The following MYO10 variants were observed in gnomAD, a reference collection of about 807,000 sequenced individuals.
MYO10 encodes the protein unconventional myosin-X.
Under a neutral mutation model 257.3 loss-of-function variants are expected in MYO10, and 133 were observed. The ratio of observed to expected loss-of-function variants is 0.52; its 90% CI spans 0.45 to 0.60. The LOEUF (loss-of-function observed/expected upper bound fraction) is 0.60, where lower values mean the gene tolerates loss of function less well. MYO10 is among the 20% of genes least tolerant of loss of function. The pLI, the probability that MYO10 is intolerant of heterozygous loss-of-function variation, is 0.00. For synonymous variants in MYO10, 1,104 were observed against 1,028.6 expected (o/e 1.07, Z -1.40); for missense variants, 2,399 against 2,635.7 (o/e 0.91, Z 1.97).
intron 2 of MYO10, among the ~76,000 whole-genome samples, chr5:16,866,176 C>G (rs1211094164): frequency 6.6e-6 from 1 of 152,084 alleles, no homozygotes; most frequent in African/African-American, 2.4e-5. Flanking sequence ...ATCCTTCAGA[C>G]ACCCAGCAGA....
chr5:16,725,891 G>A lies in MYO10; in HGVS notation c.1930-14646C>T, dbSNP rs377722989. The stretch of plus-strand genomic sequence containing the variant: ...CAGCCTCCACTTCCTGGGTTCAAGC[G>A]AATCTCCTGCCTCAGCCTCCCAAGT... On this transcript the variant is annotated intron_variant, in intron 19 of 40. Coordinates refer to ENST00000513610, the MANE Select transcript of MYO10 (RefSeq NM_012334.3). Among the ~76,000 whole-genome samples the A allele has an allele frequency of 1.5e-3, 226 of 151,366 alleles. 2 individuals are homozygous for A. Among genetic ancestry groups the A allele is most frequent in the African/African-American group, 4.8e-3 (197 of 41,194 alleles).
chr5:16,772,551 G>T (rs1414210047), intron 9 of MYO10, among the ~76,000 whole-genome samples: 1 of 152,176 alleles, frequency 6.6e-6, no homozygotes, highest in Non-Finnish European at 1.5e-5. Context: ...TTAAAATGCA[G>T]TCTGGGAAGA....
chr5:16,778,705 T>C (rs1394937461), intron 9 of MYO10, among the ~76,000 whole-genome samples: 1 of 149,582 alleles, frequency 6.7e-6, no homozygotes, highest in Non-Finnish European at 1.5e-5. Flanking sequence ...TTTTTTTTTT[T>C]TTTTTGAGAC....
intron 34 of MYO10, 102 bp downstream of exon 34, chr5:16,675,929 A>T (rs1463095611): frequency 2.1e-5 from 28 of 1,335,290 alleles, no homozygotes; most frequent in Non-Finnish European, 2.6e-5. Context: ...CGAATAAGAG[A>T]GTCTTTGAGA....
chr5:16,840,099 G>C (rs1743431251), intron 2 of MYO10, among the ~76,000 whole-genome samples: 2 of 152,150 alleles, frequency 1.3e-5, no homozygotes, highest in Non-Finnish European at 2.9e-5. Context: ...CCTACAAGTA[G>C]ACAGTAACAC....
At chr5:16,905,537 A>ACCAG (rs1001481507) in intron 1 of MYO10, among the ~76,000 whole-genome samples, 2 of 151,938 alleles carry the variant, frequency 1.3e-5, no homozygotes, top group South Asian at 2.1e-4. Context: ...AGGAACAGCC[A>ACCAG]CCAGCCAGCC....
intron 27 of MYO10, among the ~76,000 whole-genome samples, chr5:16,694,115 C>T (rs257047): frequency 0.37 from 56,255 of 152,120 alleles, 10,886 homozygotes; most frequent in African/African-American, 0.48. Context: ...CCGTTTCCAC[C>T]AGGCAACTTC....
rs115680815 is a variant in MYO10, at chr5:16,895,739, C to T, written c.22-18032G>A. On this transcript the variant is annotated intron_variant, in intron 1 of 40. Transcript: ENST00000513610. ...CTCTGGCCATGATGTAAGCCGCCCC[C>T]TCCCCAACACCACAACACACACACA... is the stretch of plus-strand genomic sequence containing the variant. 3.7e-3 allele frequency among the ~76,000 whole-genome samples: 540 copies of T among 144,760 alleles called. 5 individuals are homozygous for T. Among genetic ancestry groups the T allele is most frequent in the African/African-American group, 0.013 (517 of 39,308 alleles). 95.0% of individuals were successfully genotyped at this position (144,760 alleles called of 152,430 possible). A position where few individuals can be genotyped will look rare whatever the true frequency, so the allele number is the denominator to read the frequency against.
At chr5:16,758,737 C>T (rs554868946) in intron 17 of MYO10, among the ~76,000 whole-genome samples, 92 of 152,248 alleles carry the variant, frequency 6.0e-4, no homozygotes, top group African/African-American at 2.1e-3. Context: ...TCAGTTTTTT[C>T]ATCTGGAAAA....
intron 17 of MYO10, 129 bp from the exon 18 acceptor site, chr5:16,758,355 A>T: frequency 1.5e-6 from 1 of 665,754 alleles, no homozygotes; most frequent in South Asian, 1.8e-5. Flanking sequence ...GGAAGAACTA[A>T]GACAGCTTCC....
rs1738247150 is a variant in MYO10, at chr5:16,704,656, T to C, written c.2199A>G (p.Lys733=). ...KVFLRESLEQ[K]LEKRREEEVS... ...CTTCCTCTTCCCTCCGCTTCTCCAGTTTCTGTTCCAAGGATTCTCGAAGAA... is the reference window on the plus strand; with the variant it reads ...CTTCCTCTTCCCTCCGCTTCTCCAGCTTCTGTTCCAAGGATTCTCGAAGAA... Residue 733 remains lysine (K), a synonymous_variant, in exon 22 of 41, where the codon AAA becomes AAG. Coordinates refer to ENST00000513610, the MANE Select transcript of MYO10 (RefSeq NM_012334.3). 1 of 1,613,934 alleles carries C rather than the reference T, an allele frequency of 6.2e-7. No individual in the cohort carries two copies. Among genetic ancestry groups the C allele is most frequent in the Middle Eastern group, 1.6e-4 (1 of 6,062 alleles).
intron 1 of MYO10, among the ~76,000 whole-genome samples, chr5:16,921,866 C>T (rs1055005313): frequency 2.0e-5 from 3 of 151,732 alleles, no homozygotes; most frequent in Non-Finnish European, 2.9e-5. Context: ...CTACCATATG[C>T]AGGACGGCCA....
chr5:16,935,873 G>T lies in MYO10; in HGVS notation c.-65C>A. On this transcript the variant is annotated 5_prime_UTR_variant, in exon 1 of 41. Coordinates refer to ENST00000513610, the MANE Select transcript of MYO10 (RefSeq NM_012334.3). ...ACTCGCGGAAGTCAGCGCCGCCGCG[G>T]GTCCGGGGAAACCATGCGTGTCACG... 1 of 1,594,826 alleles carries T rather than the reference G, an allele frequency of 6.3e-7. No individual in the cohort carries two copies. The highest frequency in any genetic ancestry group is 8.5e-7 in the Non-Finnish European group (1 of 1,170,508).
At chr5:16,782,728 A>G (rs919975560) in intron 5 of MYO10, among the ~76,000 whole-genome samples, 2 of 152,220 alleles carry the variant, frequency 1.3e-5, no homozygotes, top group Admixed American at 6.5e-5. Context: ...CTAAAGTCTT[A>G]TAAGGCACAA....
At chr5:16,859,764 T>C (rs532712026) in intron 2 of MYO10, among the ~76,000 whole-genome samples, 2 of 152,064 alleles carry the variant, frequency 1.3e-5, no homozygotes, top group African/African-American at 2.4e-5. Flanking sequence ...ATAATAATAA[T>C]TTTGGAGAAA....
chr5:16,867,795 T>C (rs1277646297), intron 2 of MYO10, among the ~76,000 whole-genome samples: 1 of 152,222 alleles, frequency 6.6e-6, no homozygotes, highest in Non-Finnish European at 1.5e-5. Context: ...AATCCCATGA[T>C]CTTTTAGTGG....
intron 33 of MYO10, 89 bp downstream of exon 33, chr5:16,679,858 T>G: frequency 9.6e-5 from 141 of 1,469,330 alleles, no homozygotes; most frequent in Middle Eastern, 1.8e-4. Context: ...GAAAAAAAAC[T>G]GAGCTTCACT....
At chr5:16,821,892 A>G (rs1259616394) in intron 2 of MYO10, among the ~76,000 whole-genome samples, 1 of 148,440 alleles carries the variant, frequency 6.7e-6, no homozygotes, top group Non-Finnish European at 1.5e-5. Flanking sequence ...CAATCGCTAC[A>G]TGAATAAAAC....
intron 9 of MYO10, among the ~76,000 whole-genome samples, chr5:16,773,296 T>C (rs1741108945): frequency 6.6e-6 from 1 of 152,160 alleles, no homozygotes; most frequent in Non-Finnish European, 1.5e-5. Context: ...GAAATACAAA[T>C]AATTTGTTAT....
Sources: allele counts gnomAD v4.1 joint callset (sites outside exome capture counted in the v4.1 genomes callset), GRCh38; gene constraint gnomAD v4.1.1; transcripts MANE v1.5; gene names NCBI Gene and HGNC (gene_info 2026-07-23, HGNC 2026-07-21).